DSC2: variants seen among roughly 807,000 people sequenced by gnomAD.
DSC2 encodes the protein desmocollin-2.
A neutral mutation model predicts 87.6 loss-of-function variants in DSC2; 51 were observed. The ratio of observed to expected loss-of-function variants is 0.58; its 90% confidence interval spans 0.46 to 0.74. The LOEUF is 0.74. DSC2 is among the 30% of genes least tolerant of loss of function. The pLI is 0.00. For synonymous variants in DSC2, 383 were observed against 393.2 expected (o/e 0.97, Z 0.31); for missense variants, 1,066 against 1,089.5 (o/e 0.98, Z 0.30).
chr18:31,086,687 G>T lies in DSC2; in HGVS notation c.831C>A (p.His277Gln). ...ATDKDEPDTM[H>Q]TRLKYSIIGQ... ...CAATGATGGAGTACTTCAGGCGTGTGTGCATCGTGTCAGGCTCATCTTTGT... is the reference window on the plus strand; with the variant it reads ...CAATGATGGAGTACTTCAGGCGTGTTTGCATCGTGTCAGGCTCATCTTTGT... The change falls in exon 7 of 16, where the codon CAC (histidine) becomes CAA (glutamine). Residue 277 changes from histidine (H) to glutamine (Q), a missense_variant. Physicochemically the swap from His to Gln is conservative, Grantham distance 24. Transcript: ENST00000280904. 6.2e-7 allele frequency: 1 copy of T among 1,614,176 alleles called. No homozygotes were observed. The highest frequency in any genetic ancestry group is 8.5e-7 in the Non-Finnish European group (1 of 1,180,016).
At chr18:31,075,025 A>AGTCCTTCT in intron 11 of DSC2, 118 bp from the exon 12 acceptor site, 1 of 1,029,040 alleles carries the variant, frequency 9.7e-7, no homozygotes, top group South Asian at 1.4e-5. Context: ...TTACAATGAC[A>AGTCCTTCT]AGCAGTCACA....
At position 31,082,324 on chromosome 18, in the gene DSC2, A is replaced by C; in HGVS notation, c.1177T>G (p.Tyr393Asp). 1.2e-6 allele frequency: 2 copies of C among 1,613,920 alleles called. No homozygotes were observed. Among genetic ancestry groups the C allele is most frequent in the Non-Finnish European group, 1.7e-6 (2 of 1,179,928 alleles). Residue 393 changes from tyrosine (Y) to aspartate (D), a missense_variant, in exon 9 of 16, where the codon TAT becomes GAT. Tyr to Asp is a radical substitution (Grantham distance 160). Transcript: ENST00000280904. ...TTTTCATTGCCCTTTAAAATGGTATAATTAGCTCTCCAGTTAGCAGTATTC... is the reference window on the plus strand; with the variant it reads ...TTTTCATTGCCCTTTAAAATGGTATCATTAGCTCTCCAGTTAGCAGTATTC... ...LVNTANWRAN[Y>D]TILKGNENGN...
rs963749078 is a variant in DSC2, at chr18:31,071,919, A to G, written c.1889-78T>C. The G allele has an allele frequency of 2.3e-6, 3 of 1,277,838 alleles. No individual in the cohort carries two copies. In the African/African-American group the frequency reaches 4.4e-5, roughly 19 times the overall value. 79.2% of individuals were successfully genotyped at this position (1,277,838 alleles called of 1,614,324 possible). On this transcript the variant is annotated intron_variant, in intron 12 of 15. Transcript: ENST00000280904. ...CTGAACATAAATAACTCATTATCAGATAGTTATATTTTCCTAGAAACAGAT... is the reference window on the plus strand; with the variant it reads ...CTGAACATAAATAACTCATTATCAGGTAGTTATATTTTCCTAGAAACAGAT...
chr18:31,101,207 G>A, intron 1 of DSC2: 1 of 984,648 alleles, frequency 1.0e-6, no homozygotes, highest in South Asian at 4.7e-5. Context: ...CACTGAAACT[G>A]TACAAATGCT....
chr18:31,071,034 A>C (rs987662331), intron 13 of DSC2, among the ~76,000 whole-genome samples, 184 bp from the exon 14 acceptor site: 1 of 152,100 alleles, frequency 6.6e-6, no homozygotes, highest in Non-Finnish European at 1.5e-5. Flanking sequence ...GCTATTTAAA[A>C]GTTTAAATAG....
chr18:31,099,854 C>A (rs900123459), intron 1 of DSC2, among the ~76,000 whole-genome samples: 4 of 151,938 alleles, frequency 2.6e-5, no homozygotes, highest in Admixed American at 2.6e-4. Flanking sequence ...AAGGATCCTA[C>A]CCTCCTACCA....
intron 7 of DSC2, among the ~76,000 whole-genome samples, chr18:31,085,342 A>G (rs1395147487): frequency 6.6e-6 from 1 of 152,014 alleles, no homozygotes; most frequent in East Asian, 1.9e-4. Context: ...CATTCTTCCC[A>G]CTAAATTGTA....
chr18:31,081,723 G>C (rs1309257139), intron 9 of DSC2, among the ~76,000 whole-genome samples: 1 of 152,218 alleles, frequency 6.6e-6, no homozygotes, highest in African/African-American at 2.4e-5. Context: ...TCTGGCTGCT[G>C]AAATAGTATT....
intron 9 of DSC2, 72 bp downstream of exon 9, chr18:31,082,162 CCTTT>C (rs1338964860): frequency 5.8e-6 from 8 of 1,381,040 alleles, no homozygotes; most frequent in Non-Finnish European, 8.1e-6. Flanking sequence ...TATCAGAATT[CCTTT>C]CTTTCCATTA....
chr18:31,064,279 C>T lies in DSC2; in HGVS notation c.*3736G>A, dbSNP rs1490507065. On this transcript the variant is annotated 3_prime_UTR_variant, in exon 16 of 16. Coordinates refer to ENST00000280904, the MANE Select transcript of DSC2 (RefSeq NM_024422.6). ...AGCCCACTCCTTACATCCACCGTGT[C>T]TTGACTTGCATTCAAGTGTGTGGGT... 1 of 152,196 alleles carries T rather than the reference C, an allele frequency of 6.6e-6. No homozygotes were observed. Among genetic ancestry groups the T allele is most frequent in the African/African-American group, 2.4e-5 (1 of 41,458 alleles). 9.4% of individuals were successfully genotyped at this position (152,196 alleles called of 1,614,324 possible). A position where few individuals can be genotyped will look rare whatever the true frequency, so the allele number is the denominator to read the frequency against.
chr18:31,092,145 G>A lies in DSC2; in HGVS notation c.310C>T (p.Gln104Ter). 1 of 1,612,656 alleles carries A rather than the reference G, an allele frequency of 6.2e-7. No individual in the cohort carries two copies. Among genetic ancestry groups the A allele is most frequent in the South Asian group, 1.1e-5 (1 of 90,954 alleles). Reference protein sequence around the residue: ...FTILLSNTENQEKKKIFVFLE... With the variant: ...FTILLSNTEN ...AAGACAAATATTTTCTTCTTTTCTT[G>A]GTTCTCAGTGTTGGAAAGTAATATG... The change falls in exon 3 of 16, where the codon CAA becomes TAA. Residue 104 changes from glutamine to a stop codon, truncating the protein, a stop_gained. Coordinates refer to ENST00000280904, the MANE Select transcript of DSC2 (RefSeq NM_024422.6). LOFTEE classifies it high-confidence loss of function.
rs771726792 is a variant in DSC2 at position 31,079,852 on chromosome 18, T to C, written c.1658A>G (p.Asp553Gly). 6.2e-7 allele frequency: 1 copy of C among 1,613,938 alleles called. No homozygotes were observed. Residue 553 changes from aspartate (D) to glycine (G), a missense_variant, in exon 11 of 16, where the codon GAC (aspartate) becomes GGC (glycine). Physicochemically the swap from Asp to Gly is moderately conservative, Grantham distance 94. Coordinates refer to ENST00000280904, the MANE Select transcript of DSC2 (RefSeq NM_024422.6). ...GCTTAAAGACAAATTCTTACCTTGG[T>C]CTGATGCAAGGACTGTAATATTATA... is the stretch of plus-strand genomic sequence containing the variant. Reference protein sequence around the residue: ...GIYNITVLASDQGGRTCTGTL... With the variant: ...GIYNITVLASGQGGRTCTGTL...
intron 11 of DSC2, among the ~76,000 whole-genome samples, chr18:31,079,306 T>C (rs1299254618): frequency 1.3e-5 from 2 of 152,164 alleles, no homozygotes; most frequent in Non-Finnish European, 2.9e-5. Context: ...CAGGCTAGAG[T>C]GCAGTGGCGC....
In DSC2 at chr18:31,068,207, C is replaced by A; in HGVS notation, c.2514G>T (p.Val838=). ...GATTTTCATCTTGATTACACAGATA[C>A]ACTTTCTGCCAAGGGGAAAAACACA... ...SFTQPRLGEK[V]YLCNQDENHK... is the part of the protein sequence containing the mutation. Residue 838 remains valine (V), a synonymous_variant, in exon 16 of 16, where the codon GTG becomes GTT. Transcript: ENST00000280904. 3 of 1,614,050 alleles carry A rather than the reference C, an allele frequency of 1.9e-6. No individual in the cohort carries two copies. Among genetic ancestry groups the A allele is most frequent in the Non-Finnish European group, 2.5e-6 (3 of 1,179,982 alleles).
intron 11 of DSC2, among the ~76,000 whole-genome samples, chr18:31,076,851 A>G (rs940203237): frequency 6.6e-6 from 1 of 152,224 alleles, no homozygotes; most frequent in African/African-American, 2.4e-5. Context: ...AAATATATTA[A>G]CTACAAAAGG....
intron 1 of DSC2, among the ~76,000 whole-genome samples, chr18:31,094,145 G>T (rs1987693985): frequency 6.6e-6 from 1 of 152,230 alleles, no homozygotes; most frequent in Middle Eastern, 3.4e-3. Flanking sequence ...AAACTATCAG[G>T]AAGGCAGCAC....
intron 1 of DSC2, among the ~76,000 whole-genome samples, chr18:31,100,780 C>G (rs554614397): frequency 2.8e-4 from 42 of 152,310 alleles, no homozygotes; most frequent in Non-Finnish European, 5.1e-4. Context: ...GATTGATTGG[C>G]GCCCAACGCC....
At chr18:31,082,173 A>G (rs1413077587) in intron 9 of DSC2, 65 bp downstream of exon 9, 4 of 1,475,204 alleles carry the variant, frequency 2.7e-6, no homozygotes, top group Non-Finnish European at 3.7e-6. Flanking sequence ...CTTTCTTTCC[A>G]TTAAATTCTA....
At chr18:31,090,839 T>C (rs1434336945) in intron 4 of DSC2, among the ~76,000 whole-genome samples, 189 bp downstream of exon 4, 1 of 152,218 alleles carries the variant, frequency 6.6e-6, no homozygotes, top group African/African-American at 2.4e-5. Context: ...GCTTGGCCTT[T>C]GCAAGCTGAA....
Sources: gnomAD v4.1 joint callset for allele counts (sites outside exome capture counted in the v4.1 genomes callset) on GRCh38, gnomAD v4.1.1 for gene constraint, MANE v1.5 for transcripts, NCBI Gene and HGNC (gene_info 2026-07-23, HGNC 2026-07-21) for gene names.